The following FBN2 variants were observed in gnomAD, a reference collection of about 807,000 sequenced individuals.
FBN2 encodes fibrillin-2.
FBN2 carries 105 observed loss-of-function variants against 355.6 expected under a neutral mutation model. The ratio of observed to expected loss-of-function variants is 0.30; its 90% CI spans 0.25 to 0.35. The LOEUF (loss-of-function observed/expected upper bound fraction) is 0.35, where lower values mean the gene tolerates loss of function less well. Ranked by LOEUF, FBN2 falls within the 10% of genes least tolerant of loss-of-function variation. The pLI is 1.00. For synonymous variants in FBN2, 1,350 were observed against 1,301.2 expected (o/e 1.04, Z -0.81); for missense variants, 3,280 against 3,758.7 (o/e 0.87, Z 3.33).
At chr5:128,324,675 T>C (rs147288636) in intron 34 of FBN2, among the ~76,000 whole-genome samples, 35,209 of 151,044 alleles carry the variant, frequency 0.23, 5,167 homozygotes, top group Middle Eastern at 0.44. Flanking sequence ...TGGAGTGCAG[T>C]GGCGTGATCT....
At position 128,432,982 on chromosome 5, in the gene FBN2, A is replaced by C. The variant is rs181571090; in HGVS notation, c.952+13499T>G. ...GAAAACTGCCTTATAAAATCACCAG[A>C]TCTCATGAGAACTCACTCACTATCA... On this transcript the variant is annotated intron_variant, in intron 7 of 64. Transcript: ENST00000262464. Among the ~76,000 whole-genome samples the C allele has an allele frequency of 7.4e-4, 112 of 152,240 alleles. 1 individual carries two copies. The Middle Eastern group carries it at 0.024, about 32-fold the overall frequency.
intron 7 of FBN2, among the ~76,000 whole-genome samples, chr5:128,415,610 C>T (rs566288692): frequency 2.2e-4 from 34 of 152,154 alleles, no homozygotes; most frequent in African/African-American, 7.2e-4. Context: ...CATCCAGTGA[C>T]GAATGCTTAG....
intron 20 of FBN2, among the ~76,000 whole-genome samples, chr5:128,352,953 G>A (rs1309301495): frequency 1.3e-5 from 2 of 151,988 alleles, no homozygotes; most frequent in Non-Finnish European, 2.9e-5. Context: ...CAGTCGGATC[G>A]CTGGAGCCCA....
chr5:128,286,962 G>T, intron 54 of FBN2, 113 bp from the exon 55 acceptor site: 1 of 1,061,902 alleles, frequency 9.4e-7, no homozygotes. Flanking sequence ...GTGGGACAGA[G>T]AAAGGAGAAG....
At chr5:128,409,053 A>C (rs1753003593) in intron 7 of FBN2, among the ~76,000 whole-genome samples, 1 of 152,168 alleles carries the variant, frequency 6.6e-6, no homozygotes, top group Non-Finnish European at 1.5e-5. Context: ...TTAAAAATGC[A>C]ATTTAAATTG....
chr5:128,266,125 T>A (rs1765108641), intron 62 of FBN2, among the ~76,000 whole-genome samples: 1 of 152,218 alleles, frequency 6.6e-6, no homozygotes, highest in South Asian at 2.1e-4. Flanking sequence ...TTCTGCCATA[T>A]GTTTGAGTTA....
chr5:128,385,466 G>A (rs944485950), intron 11 of FBN2, among the ~76,000 whole-genome samples: 16 of 152,118 alleles, frequency 1.1e-4, no homozygotes, highest in African/African-American at 3.4e-4. Context: ...CCACTGATGG[G>A]CATTTAGGCT....
At chr5:128,488,189 C>T (rs1375208451) in intron 5 of FBN2, among the ~76,000 whole-genome samples, 1 of 137,644 alleles carries the variant, frequency 7.3e-6, no homozygotes, top group Non-Finnish European at 1.5e-5. Flanking sequence ...TGAACCCAGA[C>T]TCAAGAATCT....
rs377374099 is a variant in FBN2 at position 128,536,967 on chromosome 5, C to G, written c.254+383G>C. Among the ~76,000 whole-genome samples the G allele has an allele frequency of 7.5e-4, 114 of 152,202 alleles. No homozygotes were observed. The South Asian group carries it at 9.5e-3, about 13-fold the overall frequency. Reference sequence around the variant, plus strand: ...TGCACACGTCCTCAAACAAAAGGCTCACGAGCGGCGGCCCCGACGTGGGGA... The same window carrying G: ...TGCACACGTCCTCAAACAAAAGGCTGACGAGCGGCGGCCCCGACGTGGGGA... On this transcript the variant is annotated intron_variant, in intron 1 of 64. Transcript: ENST00000262464.
chr5:128,383,628 T>C (rs1348851007), intron 11 of FBN2, among the ~76,000 whole-genome samples: 1 of 152,064 alleles, frequency 6.6e-6, no homozygotes, highest in Admixed American at 6.6e-5. Flanking sequence ...AAGAAAATAA[T>C]TTTAAAATGG....
At chr5:128,287,494 G>A (rs548467145) in intron 53 of FBN2, 64 bp from the exon 54 acceptor site, 6 of 1,580,594 alleles carry the variant, frequency 3.8e-6, no homozygotes, top group Non-Finnish European at 5.2e-6. Flanking sequence ...GTAACTAAAT[G>A]TTGATGTCAT....
intron 61 of FBN2, among the ~76,000 whole-genome samples, chr5:128,272,711 CTTTA>C (rs1333238219): frequency 6.6e-6 from 1 of 151,668 alleles, no homozygotes; most frequent in Non-Finnish European, 1.5e-5. Flanking sequence ...GGAATAATTT[CTTTA>C]TTTATGTATG....
At chr5:128,420,826 G>T (rs1278005107) in intron 7 of FBN2, among the ~76,000 whole-genome samples, 1 of 152,132 alleles carries the variant, frequency 6.6e-6, no homozygotes, top group Non-Finnish European at 1.5e-5. Context: ...AAAGGCCTTT[G>T]ATTTGCCACA....
rs180689776 is a variant in FBN2, at chr5:128,374,021, A to G, written c.2095+607T>C. On this transcript the variant is annotated intron_variant, in intron 15 of 64. Coordinates refer to ENST00000262464, the MANE Select transcript of FBN2 (RefSeq NM_001999.4). ...TTACTTACCTATAACTATAATCCCC[A>G]TTACATATCTTATTTGTTATTAATT... is the stretch of plus-strand genomic sequence containing the variant. Among the ~76,000 whole-genome samples, 4 of 152,202 alleles carry G rather than the reference A, an allele frequency of 2.6e-5. No homozygotes were observed. In the East Asian group the frequency reaches 7.7e-4, roughly 29 times the overall value.
chr5:128,268,774 C>A (rs1007356365), intron 62 of FBN2, among the ~76,000 whole-genome samples: 35 of 152,240 alleles, frequency 2.3e-4, no homozygotes, highest in African/African-American at 8.2e-4. Context: ...AAGACAAAAA[C>A]CACATGATTA....
chr5:128,465,126 CT>C (rs1754675045), intron 5 of FBN2, among the ~76,000 whole-genome samples: 1 of 152,228 alleles, frequency 6.6e-6, no homozygotes, highest in Non-Finnish European at 1.5e-5. Context: ...ACACTAGACA[CT>C]GTAAATGGGT....
intron 27 of FBN2, among the ~76,000 whole-genome samples, 171 bp downstream of exon 27, chr5:128,337,826 A>G (rs766284420): frequency 6.6e-6 from 1 of 152,220 alleles, no homozygotes; most frequent in Non-Finnish European, 1.5e-5. Flanking sequence ...CGAGTGTGTC[A>G]CCCAAGCATC....
At chr5:128,501,966 A>G (rs1404618131) in intron 5 of FBN2, among the ~76,000 whole-genome samples, 1 of 152,160 alleles carries the variant, frequency 6.6e-6, no homozygotes, top group Admixed American at 6.5e-5. Flanking sequence ...AAGGAAGAAG[A>G]CTATCATTCC....
chr5:128,291,711 C>T, intron 48 of FBN2, 57 bp from the exon 49 acceptor site: 5 of 1,511,890 alleles, frequency 3.3e-6, no homozygotes, highest in Non-Finnish European at 4.6e-6. Flanking sequence ...AAACAATTGT[C>T]CATACTATCA....
Sources: allele counts gnomAD v4.1 joint callset (sites outside exome capture counted in the v4.1 genomes callset), GRCh38; gene constraint gnomAD v4.1.1; transcripts MANE v1.5; gene names NCBI Gene and HGNC (gene_info 2026-07-23, HGNC 2026-07-21).